The following RBM27 variants were observed in gnomAD, a reference collection of about 807,000 sequenced individuals.
The protein encoded by RBM27 is RNA binding motif protein 27.
RBM27 carries 22 observed loss-of-function variants against 135.3 expected under a neutral mutation model. The ratio of observed to expected loss-of-function variants is 0.16; its 90% confidence interval spans 0.12 to 0.23. The LOEUF (loss-of-function observed/expected upper bound fraction) is 0.23. RBM27 is among the 10% of genes least tolerant of loss of function. The probability of loss-of-function intolerance (pLI) is 1.00; values close to 1 mark genes in which losing one functional copy is unlikely to be tolerated. For synonymous variants in RBM27, 481 were observed against 442.4 expected (o/e 1.09, Z -1.10); for missense variants, 1,009 against 1,281.0 (o/e 0.79, Z 3.24).
At position 146,230,927 on chromosome 5, in the gene RBM27, A is replaced by G. The variant is rs1294412100; in HGVS notation, c.850+10A>G. On this transcript the variant is annotated intron_variant, in intron 6 of 20. Transcript: ENST00000265271. ...TGCAGAGATTATGATGGTAAAAATC[A>G]CCACCTTTTCTCATATTGTGCCCAA... The G allele has an allele frequency of 1.9e-6, 3 of 1,612,914 alleles. No individual in the cohort carries two copies. The Admixed American group carries it at 5.0e-5, about 27-fold the overall frequency.
At chr5:146,248,110 T>A (rs75518652) in intron 8 of RBM27, among the ~76,000 whole-genome samples, 1 of 152,088 alleles carries the variant, frequency 6.6e-6, no homozygotes, top group Non-Finnish European at 1.5e-5. Flanking sequence ...GTTTTTTTTT[T>A]AAGTATCATT....
Position 146,252,012 on chromosome 5 carries a change from C to T in RBM27, c.1444+137C>T, listed in dbSNP as rs968809113. 19 of 995,122 alleles carry T rather than the reference C, an allele frequency of 1.9e-5. No individual in the cohort carries two copies. In the Admixed American group the frequency reaches 3.4e-4, roughly 18 times the overall value. The allele number at this position is 995,122 out of a possible 1,614,324, so 61.6% of individuals were successfully genotyped here. ...CTCATAGGTAGTTTTATTTTCTGCT[C>T]CTTTGCTTCTTTGGTTTGTCTCTAG... On this transcript the variant is annotated intron_variant, in intron 9 of 20. Transcript: ENST00000265271.
chr5:146,265,931 C>T (rs574002518), intron 14 of RBM27, among the ~76,000 whole-genome samples: 2 of 151,988 alleles, frequency 1.3e-5, no homozygotes, highest in East Asian at 1.9e-4. Context: ...TTATCTTAAG[C>T]GGGAAAAAAA....
At chr5:146,278,246 T>C (rs913039245) in intron 19 of RBM27, among the ~76,000 whole-genome samples, 1 of 152,202 alleles carries the variant, frequency 6.6e-6, no homozygotes, top group Non-Finnish European at 1.5e-5. Flanking sequence ...TGAATTTCTC[T>C]TTGAGCAGCT....
chr5:146,282,201 T>A (rs1335411068), intron 19 of RBM27, among the ~76,000 whole-genome samples: 1 of 152,116 alleles, frequency 6.6e-6, no homozygotes, highest in Non-Finnish European at 1.5e-5. Context: ...AGATGGTGTT[T>A]CTCCATGTTG....
In RBM27 at chr5:146,237,410, C is replaced by T. The variant is rs1444945586; in HGVS notation, c.1257C>T (p.Asn419=). Reference sequence around the variant, plus strand: ...GACTACCTCCTCCTTTACCCCAGAACCTCCTTTACACAGTATCAGAACGTA... The same window carrying T: ...GACTACCTCCTCCTTTACCCCAGAATCTCCTTTACACAGTATCAGAACGTA... ...GTRLPPPLPQ[N]LLYTVSERQP... The change falls in exon 8 of 21, where the codon AAC becomes AAT. Residue 419 remains asparagine, a synonymous_variant. Transcript: ENST00000265271. The T allele has an allele frequency of 5.0e-6, 8 of 1,614,028 alleles. No individual in the cohort carries two copies. The highest frequency in any genetic ancestry group is 1.1e-5 in the South Asian group (1 of 91,084).
At position 146,237,370 on chromosome 5, in the gene RBM27, C is replaced by T. The variant is rs1338017810; in HGVS notation, c.1217C>T (p.Ala406Val). 1.2e-6 allele frequency: 2 copies of T among 1,613,946 alleles called. No homozygotes were observed. The highest frequency in any genetic ancestry group is 1.7e-6 in the Non-Finnish European group (2 of 1,179,808). Residue 406 changes from alanine to valine, a missense_variant, in exon 8 of 21, where the codon GCA (alanine) becomes GTA (valine). This residue lies in a region of RBM27 where 329 missense variants were observed against 368.1 expected (regional missense o/e 0.89). Transcript: ENST00000265271. ...QPGTSAVPNL[A>V]SVGTRLPPPL... is the part of the protein sequence containing the mutation. ...GGGACAAGTGCAGTGCCCAATCTTGCATCAGTGGGAACAAGACTACCTCCT... is the reference window on the plus strand; with the variant it reads ...GGGACAAGTGCAGTGCCCAATCTTGTATCAGTGGGAACAAGACTACCTCCT...
intron 7 of RBM27, among the ~76,000 whole-genome samples, chr5:146,236,118 G>A (rs1428958585): frequency 1.3e-5 from 2 of 152,146 alleles, no homozygotes; most frequent in Non-Finnish European, 2.9e-5. Flanking sequence ...TTATCTCAGC[G>A]TGGGAACATA....
chr5:146,267,907 A>C, intron 15 of RBM27, 139 bp downstream of exon 15: 1 of 943,642 alleles, frequency 1.1e-6, no homozygotes, highest in Non-Finnish European at 1.5e-6. Flanking sequence ...TCTAATGTAA[A>C]CTTGGAAAAA....
At position 146,251,864 on chromosome 5, in the gene RBM27, C is replaced by T. The variant is rs368103941; in HGVS notation, c.1433C>T (p.Pro478Leu). Residue 478 changes from proline (P) to leucine (L), a missense_variant, in exon 9 of 21, where the codon CCT (proline) becomes CTT (leucine). Transcript: ENST00000265271. ...GYHTSVSSPT[P>L]LVPDTYEPDG... ...CATACCTCAGTCTCCAGCCCTACCCCTCTGGTTCCAGGTAAGCTTTGCTAC... is the reference window on the plus strand; with the variant it reads ...CATACCTCAGTCTCCAGCCCTACCCTTCTGGTTCCAGGTAAGCTTTGCTAC... 3.1e-6 allele frequency: 5 copies of T among 1,613,924 alleles called. No individual in the cohort carries two copies. The highest frequency in any genetic ancestry group is 4.2e-6 in the Non-Finnish European group (5 of 1,179,928).
intron 19 of RBM27, among the ~76,000 whole-genome samples, chr5:146,275,867 C>G (rs191986352): frequency 6.6e-6 from 1 of 152,156 alleles, no homozygotes; most frequent in African/African-American, 2.4e-5. Flanking sequence ...GCTCATTTAA[C>G]TGTAAGAATT....
intron 11 of RBM27, among the ~76,000 whole-genome samples, chr5:146,259,049 C>T (rs1758248113): frequency 6.6e-6 from 1 of 151,928 alleles, no homozygotes; most frequent in African/African-American, 2.4e-5. Context: ...GTGTGAGCTA[C>T]CACATCCAGC....
Position 146,271,042 on chromosome 5 carries a change from G to A in RBM27, c.2780G>A (p.Ser927Asn). 3 of 1,612,342 alleles carry A rather than the reference G, an allele frequency of 1.9e-6. No homozygotes were observed. Among genetic ancestry groups the A allele is most frequent in the Non-Finnish European group, 2.5e-6 (3 of 1,178,518 alleles). Residue 927 changes from serine (S) to asparagine (N), a missense_variant, in exon 18 of 21, where the codon AGT becomes AAT. Around this residue, in one of 6 missense-constraint regions of RBM27, gnomAD observed 355 missense variants for 427.3 expected, o/e 0.83. Transcript: ENST00000265271. ...EDTTELRKKL[S>N]QLQVEAARLG... ...ACCACAGAATTACGGAAAAAACTCA[G>A]TCAGTTACAGGTTGAGGTGAGATTT...
Position 146,289,029 on chromosome 5 carries a change from T to A in RBM27, c.*2999T>A, listed in dbSNP as rs1410332171. 6.6e-6 allele frequency: 1 copy of A among 152,134 alleles called. No homozygotes were observed. Among genetic ancestry groups the A allele is most frequent in the Non-Finnish European group, 1.5e-5 (1 of 67,954 alleles). The allele number at this position is 152,134 out of a possible 1,614,324, so 9.4% of individuals were successfully genotyped here. A position where few individuals can be genotyped will look rare whatever the true frequency, so the allele number is the denominator to read the frequency against. On this transcript the variant is annotated 3_prime_UTR_variant, in exon 21 of 21. Transcript: ENST00000265271. ...TTGAATTTCTAACTGTTTATACATT[T>A]AAATTCATATATGTAATGTTTGTTT...
chr5:146,285,314 A>G (rs897327082), intron 20 of RBM27, among the ~76,000 whole-genome samples: 1 of 152,154 alleles, frequency 6.6e-6, no homozygotes, highest in Non-Finnish European at 1.5e-5. Context: ...CCTGATTTAT[A>G]TGACAATCTT....
In RBM27 at chr5:146,240,330, G is replaced by A. The variant is rs771784710; in HGVS notation, c.1279+2898G>A. On this transcript the variant is annotated intron_variant, in intron 8 of 20. Coordinates refer to ENST00000265271, the MANE Select transcript of RBM27 (RefSeq NM_018989.2). ...TGTCTGTCTGTCTGTCTGTCTGTCT[G>A]TCTATCTGTCTGTCTATCTAGAGTC... 6.0e-5 allele frequency among the ~76,000 whole-genome samples: 9 copies of A among 149,716 alleles called. No homozygotes were observed. The East Asian group carries it at 1.8e-3, about 29-fold the overall frequency.
At chr5:146,224,352 A>G (rs939076500) in intron 3 of RBM27, among the ~76,000 whole-genome samples, 1 of 152,220 alleles carries the variant, frequency 6.6e-6, no homozygotes, top group Non-Finnish European at 1.5e-5. Context: ...TGAAGGTAAA[A>G]TGAATTTTTA....
At chr5:146,206,367 T>C (rs1264435711) in intron 1 of RBM27, among the ~76,000 whole-genome samples, 3 of 141,336 alleles carry the variant, frequency 2.1e-5, no homozygotes, top group Non-Finnish European at 3.1e-5. Context: ...TTGCTTAGGC[T>C]TTTTTTTTTT....
Position 146,233,681 on chromosome 5 carries a change from T to C in RBM27, c.1082T>C (p.Met361Thr), listed in dbSNP as rs2126762668. The change falls in exon 7 of 21, where the codon ATG (methionine) becomes ACG (threonine). Residue 361 changes from methionine to threonine, a missense_variant. Coordinates refer to ENST00000265271, the MANE Select transcript of RBM27 (RefSeq NM_018989.2). ...PGPGPGPGHSMRLPVPQGHGQ... is the reference protein window; with the variant it reads ...PGPGPGPGHSTRLPVPQGHGQ... Reference sequence around the variant, plus strand: ...CCAGGTCCAGGTCCTGGCCATAGTATGAGACTTCCTGTTCCCCAAGGACAT... The same window carrying C: ...CCAGGTCCAGGTCCTGGCCATAGTACGAGACTTCCTGTTCCCCAAGGACAT... The C allele has an allele frequency of 6.6e-7, 1 of 1,520,846 alleles. No individual in the cohort carries two copies. The highest frequency in any genetic ancestry group is 1.3e-5 in the South Asian group (1 of 76,670). The allele number at this position is 1,520,846 out of a possible 1,614,324, so 94.2% of individuals were successfully genotyped here.
Sources: allele counts gnomAD v4.1 joint callset (sites outside exome capture counted in the v4.1 genomes callset), GRCh38; gene constraint gnomAD v4.1.1; regional missense constraint gnomAD v4.1.1; transcripts MANE v1.5; gene names NCBI Gene and HGNC (gene_info 2026-07-23, HGNC 2026-07-21).